DYNLT5: variants seen among roughly 807,000 people sequenced by gnomAD.
The protein encoded by DYNLT5 is dynein light chain Tctex-type 5.
Under a neutral mutation model 19.3 loss-of-function variants are expected in DYNLT5, and 25 were observed. That is an observed-to-expected ratio of 1.30 (90% confidence interval 0.95 to 1.81). DYNLT5 has a LOEUF of 1.81. DYNLT5 is among the 40% of genes most tolerant of loss of function. The probability of loss-of-function intolerance (pLI) is 0.00; values close to 1 mark genes in which losing one functional copy is unlikely to be tolerated. For missense variants in DYNLT5, 232 were observed against 217.9 expected, an observed-to-expected ratio of 1.06 and a Z score of -0.41; for synonymous variants, 82 against 68.9, an observed-to-expected ratio of 1.19 and a Z score of -0.94.
intron 3 of DYNLT5, 197 bp from the exon 4 acceptor site, chr1:66,776,082 T>C (rs554916012): frequency 2.2e-5 from 12 of 549,050 alleles, no homozygotes; most frequent in African/African-American, 7.6e-5. Flanking sequence ...GTCACGTAAA[T>C]GTACGAAAAT....
At chr1:66,757,539 C>T (rs1219704269) in intron 2 of DYNLT5, among the ~76,000 whole-genome samples, 1 of 151,942 alleles carries the variant, frequency 6.6e-6, no homozygotes, top group Non-Finnish European at 1.5e-5. Context: ...TATATCAGAC[C>T]CATGCTGTCT....
intron 1 of DYNLT5, among the ~76,000 whole-genome samples, chr1:66,754,360 A>G (rs1350887511): frequency 6.6e-6 from 1 of 152,236 alleles, no homozygotes; most frequent in African/African-American, 2.4e-5. Flanking sequence ...CTATACATGC[A>G]TATCTTTTGT....
At chr1:66,775,052 T>A (rs1433306782) in intron 3 of DYNLT5, 2 of 152,222 alleles carry the variant, frequency 1.3e-5, no homozygotes, top group Non-Finnish European at 2.9e-5. Flanking sequence ...CCTGGGCACA[T>A]GTTCATGTCA....
At chr1:66,775,250 T>C (rs2150869116) in intron 3 of DYNLT5, 1 of 152,358 alleles carries the variant, frequency 6.6e-6, no homozygotes, top group African/African-American at 2.4e-5. Flanking sequence ...CTGGGCAGGT[T>C]ACTCAATGTA....
intron 2 of DYNLT5, among the ~76,000 whole-genome samples, chr1:66,768,264 G>A (rs1165593520): frequency 2.0e-5 from 3 of 152,242 alleles, no homozygotes; most frequent in Non-Finnish European, 4.4e-5. Flanking sequence ...GAGCCCATAT[G>A]TAAAATCAAA....
At chr1:66,765,595 A>G (rs1396189649) in intron 2 of DYNLT5, among the ~76,000 whole-genome samples, 1 of 151,358 alleles carries the variant, frequency 6.6e-6, no homozygotes, top group African/African-American at 2.4e-5. Flanking sequence ...AAAAAAATGA[A>G]TTTCATTAAA....
intron 3 of DYNLT5, 146 bp from the exon 4 acceptor site, chr1:66,776,133 C>T: frequency 9.4e-7 from 1 of 1,064,994 alleles, no homozygotes; most frequent in Non-Finnish European, 1.3e-6. Context: ...GACAGGAAAC[C>T]TAATTAGAGC....
At chr1:66,770,753 C>A in intron 3 of DYNLT5, 1 of 474,958 alleles carries the variant, frequency 2.1e-6, no homozygotes, top group Non-Finnish European at 3.9e-6. Flanking sequence ...AACAAATTCA[C>A]TGAGTATTTC....
At chr1:66,772,038 A>G (rs1045455629) in intron 3 of DYNLT5, among the ~76,000 whole-genome samples, 6 of 152,290 alleles carry the variant, frequency 3.9e-5, no homozygotes, top group Admixed American at 3.9e-4. Context: ...ATAGCATTCA[A>G]CCAGCCATTT....
chr1:66,774,852 TTCC>T (rs1645225545), intron 3 of DYNLT5, among the ~76,000 whole-genome samples: 1 of 152,218 alleles, frequency 6.6e-6, no homozygotes, highest in East Asian at 1.9e-4. Flanking sequence ...CACTCAGAAC[TTCC>T]TCCTGGAATT....
chr1:66,753,228 G>A (rs1050660025), intron 1 of DYNLT5, among the ~76,000 whole-genome samples: 20 of 152,106 alleles, frequency 1.3e-4, no homozygotes, highest in Admixed American at 4.6e-4. Flanking sequence ...TGGGTTTTAG[G>A]GTATGTTCTT....
At chr1:66,776,246 C>G (rs1645233703) in intron 3 of DYNLT5, 33 bp from the exon 4 acceptor site, 8 of 1,605,438 alleles carry the variant, frequency 5.0e-6, no homozygotes, top group African/African-American at 1.3e-5. Flanking sequence ...TTTGAAATTA[C>G]TTTTTAGAAA....
At chr1:66,774,987 A>C (rs1288371578) in intron 3 of DYNLT5, 1 of 152,208 alleles carries the variant, frequency 6.6e-6, no homozygotes, top group Non-Finnish European at 1.5e-5. Context: ...TCTTGATCTC[A>C]TTCCTTCATC....
In DYNLT5 at chr1:66,752,485, C is replaced by A. The variant is rs373386330; in HGVS notation, c.-103C>A. On this transcript the variant is annotated 5_prime_UTR_variant, in exon 1 of 5. Coordinates refer to ENST00000282670, the MANE Select transcript of DYNLT5 (RefSeq NM_152665.3). Reference sequence around the variant, plus strand: ...GAGTCCAGGGAGAGTGCGCGGGCGGCCGCCGGCTGAATGAAGCCTGGGACG... The same window carrying A: ...GAGTCCAGGGAGAGTGCGCGGGCGGACGCCGGCTGAATGAAGCCTGGGACG... 164 of 985,532 alleles carry A rather than the reference C, an allele frequency of 1.7e-4. 1 individual carries two copies. In the South Asian group the frequency reaches 4.7e-3, roughly 28 times the overall value. 61.0% of individuals were successfully genotyped at this position (985,532 alleles called of 1,614,324 possible).
chr1:66,776,224 G>T, intron 3 of DYNLT5, 55 bp from the exon 4 acceptor site: 1 of 1,589,194 alleles, frequency 6.3e-7, no homozygotes, highest in South Asian at 1.2e-5. Flanking sequence ...CCTATGGGGT[G>T]GGTGGGTGTG....
intron 3 of DYNLT5, chr1:66,774,958 A>G (rs185072002): frequency 6.6e-6 from 1 of 152,346 alleles, no homozygotes; most frequent in African/African-American, 2.4e-5. Flanking sequence ...ACATATATTA[A>G]AAGAGAATTG....
In DYNLT5 at chr1:66,754,735, A is replaced by T. The variant is rs2094632970; in HGVS notation, c.77A>T (p.Asn26Ile). ...AGAGGGAGTATTTCTTCTCTAAGTAATCATGAATTTTGGCGAAAGGAAATT... is the reference window on the plus strand; with the variant it reads ...AGAGGGAGTATTTCTTCTCTAAGTATTCATGAATTTTGGCGAAAGGAAATT... ...KKRGSISSLS[N>I]HEFWRKEIHG... Residue 26 changes from asparagine (N) to isoleucine (I), a missense_variant, in exon 2 of 5, where the codon AAT (asparagine) becomes ATT (isoleucine). Transcript: ENST00000282670. The T allele has an allele frequency of 6.2e-7, 1 of 1,613,230 alleles. No individual in the cohort carries two copies. The highest frequency in any genetic ancestry group is 2.2e-5 in the East Asian group (1 of 44,804).
At chr1:66,773,476 G>A (rs906545893) in intron 3 of DYNLT5, among the ~76,000 whole-genome samples, 6 of 152,084 alleles carry the variant, frequency 3.9e-5, no homozygotes, top group African/African-American at 1.4e-4. Flanking sequence ...CCAGACTTAC[G>A]TCCTCTTTCA....
At chr1:66,768,476 C>T (rs1645182121) in intron 2 of DYNLT5, among the ~76,000 whole-genome samples, 1 of 152,144 alleles carries the variant, frequency 6.6e-6, no homozygotes, top group Admixed American at 6.5e-5. Context: ...AGTCAATCTG[C>T]AAAACTTTCT....
Sources: allele counts gnomAD v4.1 joint callset (sites outside exome capture counted in the v4.1 genomes callset), GRCh38; gene constraint gnomAD v4.1.1; transcripts MANE v1.5; gene names NCBI Gene and HGNC (gene_info 2026-07-23, HGNC 2026-07-21).